Variants in DNMBP observed in about 807,000 individuals in gnomAD.
DNMBP encodes dynamin binding protein, also known as dynamin-binding protein.
Under a neutral mutation model 150.0 loss-of-function variants are expected in DNMBP, and 87 were observed. That is an observed-to-expected ratio of 0.58 (90% CI 0.49 to 0.69). The LOEUF (loss-of-function observed/expected upper bound fraction) is 0.69. Among genes scored for constraint, DNMBP ranks in the 30% least tolerant of loss-of-function variants. DNMBP has a pLI of 0.00. For missense variants in DNMBP, 1,774 were observed against 1,949.0 expected (o/e 0.91, Z 1.69); for synonymous variants, 711 against 750.4 (o/e 0.95, Z 0.86).
chr10:99,940,565 TC>T (rs549496230), intron 4 of DNMBP, among the ~76,000 whole-genome samples: 45 of 152,230 alleles, frequency 3.0e-4, no homozygotes, highest in Admixed American at 1.8e-3. Flanking sequence ...AGTGGATCAG[TC>T]CCGTAAACTT....
chr10:99,921,469 A>G (rs1348548188), intron 4 of DNMBP, among the ~76,000 whole-genome samples: 1 of 152,204 alleles, frequency 6.6e-6, no homozygotes, highest in African/African-American at 2.4e-5. Flanking sequence ...ATCCACTGCT[A>G]TCATGGAGCT....
At chr10:99,973,382 G>A (rs1210440169) in intron 1 of DNMBP, among the ~76,000 whole-genome samples, 1 of 152,210 alleles carries the variant, frequency 6.6e-6, no homozygotes, top group Non-Finnish European at 1.5e-5. Context: ...CAGAATGCCT[G>A]AAGAGGGCAG....
chr10:99,950,189 T>C (rs183406331), intron 4 of DNMBP, among the ~76,000 whole-genome samples: 3 of 152,326 alleles, frequency 2.0e-5, no homozygotes, highest in African/African-American at 7.2e-5. Flanking sequence ...ACAAGCTCTC[T>C]CTTTGCCAGC....
intron 11 of DNMBP, among the ~76,000 whole-genome samples, chr10:99,891,934 G>T (rs2039573790): frequency 7.0e-6 from 1 of 143,024 alleles, no homozygotes. Flanking sequence ...TCAGCCCCCT[G>T]CCCGGCCAGC....
intron 16 of DNMBP, among the ~76,000 whole-genome samples, chr10:99,878,878 G>A (rs138884108): frequency 8.5e-5 from 13 of 152,176 alleles, no homozygotes; most frequent in Non-Finnish European, 1.6e-4. Flanking sequence ...TGTAATCCCA[G>A]CAAATTGGGA....
intron 12 of DNMBP, among the ~76,000 whole-genome samples, chr10:99,887,939 C>T (rs965759711): frequency 1.3e-5 from 2 of 152,078 alleles, no homozygotes; most frequent in African/African-American, 4.8e-5. Context: ...ATTCTCCTGC[C>T]TCAGCCTCCC....
intron 4 of DNMBP, among the ~76,000 whole-genome samples, chr10:99,913,425 TA>T (rs1348175760): frequency 6.6e-6 from 1 of 151,994 alleles, no homozygotes; most frequent in Non-Finnish European, 1.5e-5. Flanking sequence ...TGATAGATGG[TA>T]AATACACTTG....
At chr10:100,007,649 T>C (rs1371457532) in intron 1 of DNMBP, among the ~76,000 whole-genome samples, 1 of 152,212 alleles carries the variant, frequency 6.6e-6, no homozygotes, top group Non-Finnish European at 1.5e-5. Context: ...TAATACATTT[T>C]AGCTACTCTA....
chr10:99,916,403 C>T (rs553873006), intron 4 of DNMBP, among the ~76,000 whole-genome samples: 2 of 152,216 alleles, frequency 1.3e-5, no homozygotes, highest in Admixed American at 6.5e-5. Flanking sequence ...GCAGAGGCTG[C>T]GCCTCCAGCC....
chr10:100,005,784 AC>A lies in DNMBP; in HGVS notation c.-11+4053del, dbSNP rs1214340685. Among the ~76,000 whole-genome samples, 29 of 125,482 alleles carry A rather than the reference AC, an allele frequency of 2.3e-4. 1 individual carries two copies. The highest frequency in any genetic ancestry group is 7.9e-4 in the South Asian group (3 of 3,810). 82.3% of individuals were successfully genotyped at this position (125,482 alleles called of 152,430 possible). A position where few individuals can be genotyped will look rare whatever the true frequency, so the allele number is the denominator to read the frequency against. On this transcript the variant is annotated intron_variant, in intron 1 of 16. Transcript: ENST00000324109. Reference sequence around the variant, plus strand: ...GTCTCCAAAAAAAAAAAAAAAAAAAACCAAACTACATAAAGGAAAATGAATT... The same window carrying A: ...GTCTCCAAAAAAAAAAAAAAAAAAAACAAACTACATAAAGGAAAATGAATT...
intron 12 of DNMBP, 97 bp from the exon 13 acceptor site, chr10:99,886,729 C>A: frequency 8.6e-7 from 1 of 1,160,796 alleles, no homozygotes; most frequent in Non-Finnish European, 1.2e-6. Flanking sequence ...GTGTCCTGAA[C>A]CACCTACTTC....
At chr10:99,886,742 T>G in intron 12 of DNMBP, 110 bp from the exon 13 acceptor site, 1 of 974,660 alleles carries the variant, frequency 1.0e-6, no homozygotes, top group Non-Finnish European at 1.5e-6. Context: ...CCTACTTCGT[T>G]TCTAGTACAC....
At chr10:99,934,177 T>C (rs1182473113) in intron 4 of DNMBP, among the ~76,000 whole-genome samples, 6 of 152,150 alleles carry the variant, frequency 3.9e-5, no homozygotes, top group African/African-American at 1.2e-4. Context: ...GTTGGGCACC[T>C]CTCTCTAAGT....
chr10:99,983,853 G>A (rs2040803385), intron 1 of DNMBP, among the ~76,000 whole-genome samples: 1 of 152,218 alleles, frequency 6.6e-6, no homozygotes, highest in Non-Finnish European at 1.5e-5. Flanking sequence ...GGCCCAAGTT[G>A]GAAGGCAACA....
At chr10:99,902,906 C>T (rs1478326977) in intron 6 of DNMBP, among the ~76,000 whole-genome samples, 1 of 148,904 alleles carries the variant, frequency 6.7e-6, no homozygotes, top group African/African-American at 2.5e-5. Context: ...CCAGCCTGGG[C>T]AGAGAGCAAG....
At chr10:99,961,637 C>T (rs1752449942) in intron 3 of DNMBP, among the ~76,000 whole-genome samples, 1 of 152,150 alleles carries the variant, frequency 6.6e-6, no homozygotes, top group Non-Finnish European at 1.5e-5. Context: ...ATCTTGTCCC[C>T]ACGCATTATT....
Position 99,880,116 on chromosome 10 carries a change from G to A in DNMBP, c.4243C>T (p.Gln1415Ter), listed in dbSNP as rs762694297. Residue 1415 changes from glutamine to a stop codon, truncating the protein, a stop_gained, in exon 16 of 17, where the codon CAA (glutamine) becomes TAA (stop). Transcript: ENST00000324109. LOFTEE classifies it high-confidence loss of function. Reference sequence around the variant, plus strand: ...TTTAGGGATGCACTGAGAGTTCCTTGGTCACATTCTTTTGGCGGAGGAGAT... The same window carrying A: ...TTTAGGGATGCACTGAGAGTTCCTTAGTCACATTCTTTTGGCGGAGGAGAT... ...DASPPPKECDQGTLSASLNPS... is the reference protein window; with the variant it reads ...DASPPPKECD 11 of 1,614,156 alleles carry A rather than the reference G, an allele frequency of 6.8e-6. No homozygotes were observed. Among genetic ancestry groups the A allele is most frequent in the South Asian group, 1.1e-5 (1 of 91,088 alleles).
At chr10:99,933,957 C>T (rs575521348) in intron 4 of DNMBP, among the ~76,000 whole-genome samples, 1 of 152,276 alleles carries the variant, frequency 6.6e-6, no homozygotes, top group African/African-American at 2.4e-5. Flanking sequence ...AGGATGGTCT[C>T]AATCTCCTGA....
intron 6 of DNMBP, among the ~76,000 whole-genome samples, chr10:99,905,144 C>T (rs1363492592): frequency 6.6e-6 from 1 of 152,182 alleles, no homozygotes; most frequent in Non-Finnish European, 1.5e-5. Flanking sequence ...GTCGTTTATG[C>T]TTCACCATCA....
Sources: allele counts gnomAD v4.1 joint callset (sites outside exome capture counted in the v4.1 genomes callset), GRCh38; gene constraint gnomAD v4.1.1; transcripts MANE v1.5; gene names NCBI Gene and HGNC (gene_info 2026-07-23, HGNC 2026-07-21).